Variants in CSMD1 observed in about 807,000 individuals in gnomAD.
CSMD1 encodes CUB and Sushi multiple domains 1, also known as CUB and sushi domain-containing protein 1.
A neutral mutation model predicts 417.5 loss-of-function variants in CSMD1; 213 were observed. The ratio of observed to expected loss-of-function variants is 0.51; its 90% CI spans 0.46 to 0.57. CSMD1 has a LOEUF of 0.57. Among genes scored for constraint, CSMD1 ranks in the 20% least tolerant of loss-of-function variants. The probability of loss-of-function intolerance (pLI) is 0.00; values close to 1 mark genes in which losing one functional copy is unlikely to be tolerated. For missense variants in CSMD1, 6,923 were observed against 4,529.7 expected (o/e 1.53, Z -15.17); for synonymous variants, 2,862 against 1,736.8 (o/e 1.65, Z -16.11).
At chr8:3,998,159 C>T (rs2130342046) in intron 4 of CSMD1, 49 bp from the exon 5 acceptor site, 2 of 1,487,932 alleles carry the variant, frequency 1.3e-6, no homozygotes, top group Non-Finnish European at 1.8e-6. Flanking sequence ...GGATGGTTTT[C>T]ATACACGAGT....
At chr8:3,856,542 GT>G (rs1563149517) in intron 5 of CSMD1, among the ~76,000 whole-genome samples, 1 of 152,146 alleles carries the variant, frequency 6.6e-6, no homozygotes, top group African/African-American at 2.4e-5. Context: ...TGCAACGACT[GT>G]CCACATCATG....
intron 2 of CSMD1, among the ~76,000 whole-genome samples, chr8:4,629,051 A>G (rs1015315806): frequency 3.9e-5 from 6 of 152,184 alleles, no homozygotes; most frequent in African/African-American, 1.4e-4. Context: ...AATTTACTTA[A>G]CTAGTGAGAG....
chr8:4,779,024 G>T lies in CSMD1; in HGVS notation c.86-141466C>A, dbSNP rs115366634. The stretch of plus-strand genomic sequence containing the variant: ...AGTATAGGTATGCAATGACCAGATT[G>T]ATATATCTTAATCAACATTTCAGGA... On this transcript the variant is annotated intron_variant, in intron 1 of 69. Transcript: ENST00000635120. Among the ~76,000 whole-genome samples, 861 of 152,292 alleles carry T rather than the reference G, an allele frequency of 5.7e-3. 5 individuals carry two copies. The highest frequency in any genetic ancestry group is 0.02 in the African/African-American group (827 of 41,556).
intron 2 of CSMD1, among the ~76,000 whole-genome samples, chr8:4,525,629 G>A (rs755182564): frequency 6.6e-6 from 1 of 152,076 alleles, no homozygotes; most frequent in African/African-American, 2.4e-5. Context: ...AGTAATAGCG[G>A]TTTTTGTCAT....
At chr8:3,510,842 T>A (rs1164078576) in intron 10 of CSMD1, among the ~76,000 whole-genome samples, 1 of 151,858 alleles carries the variant, frequency 6.6e-6, no homozygotes, top group Admixed American at 6.5e-5. Context: ...CTTCCCCCAC[T>A]TTTTGATGGG....
chr8:4,372,996 C>T (rs1420729775), intron 3 of CSMD1, among the ~76,000 whole-genome samples: 1 of 152,220 alleles, frequency 6.6e-6, no homozygotes, highest in Non-Finnish European at 1.5e-5. Flanking sequence ...TCACACTGGA[C>T]AGCCCTCAGC....
intron 3 of CSMD1, among the ~76,000 whole-genome samples, chr8:4,387,570 C>CAAAAGAAAAAAAAAAAAAAA (rs1803536289): frequency 2.7e-5 from 1 of 37,208 alleles, no homozygotes; most frequent in Non-Finnish European, 5.8e-5. Context: ...TCCAAACTGG[C>CAAAAGAAAAAAAAAAAAAAA]AAAAAAAAAA....
rs375837971 is a variant in CSMD1 at position 4,226,135 on chromosome 8, T to C, written c.415+193818A>G. 1.1e-4 allele frequency among the ~76,000 whole-genome samples: 17 copies of C among 150,804 alleles called. No homozygotes were observed. The East Asian group carries it at 2.7e-3, about 24-fold the overall frequency. ...CAACACACATACACACTTGCTAGCA[T>C]GAGAGTTTCATTTTTCTGTTACTTG... On this transcript the variant is annotated intron_variant, in intron 3 of 69. Transcript: ENST00000635120.
chr8:3,839,980 G>C (rs1306400127), intron 5 of CSMD1, among the ~76,000 whole-genome samples: 1 of 152,084 alleles, frequency 6.6e-6, no homozygotes. Context: ...GTGAGATGTT[G>C]AAGGATGCAT....
intron 5 of CSMD1, among the ~76,000 whole-genome samples, chr8:3,994,025 C>A (rs141366270): frequency 6.6e-6 from 1 of 152,134 alleles, no homozygotes; most frequent in Non-Finnish European, 1.5e-5. Flanking sequence ...GGGAGGGAGC[C>A]AGGATGGGGC....
chr8:4,045,888 G>A (rs1798122939), intron 3 of CSMD1, among the ~76,000 whole-genome samples: 1 of 151,494 alleles, frequency 6.6e-6, no homozygotes, highest in Admixed American at 6.6e-5. Flanking sequence ...GAGTTTTTAT[G>A]TCTATGCTGG....
At chr8:4,622,846 T>A (rs183876217) in intron 2 of CSMD1, among the ~76,000 whole-genome samples, 1 of 152,152 alleles carries the variant, frequency 6.6e-6, no homozygotes, top group Non-Finnish European at 1.5e-5. Context: ...GATGACATGG[T>A]TGCCTCCATA....
chr8:4,191,255 G>T (rs1049442930), intron 3 of CSMD1, among the ~76,000 whole-genome samples: 1 of 151,996 alleles, frequency 6.6e-6, no homozygotes, highest in Non-Finnish European at 1.5e-5. Flanking sequence ...AATTAGCAGG[G>T]CATGGTGGCA....
Position 4,881,563 on chromosome 8 carries a change from G to A in CSMD1, c.85+112769C>T, listed in dbSNP as rs147709987. Among the ~76,000 whole-genome samples, 1,148 of 141,254 alleles carry A rather than the reference G, an allele frequency of 8.1e-3. 25 individuals carry two copies. Among genetic ancestry groups the A allele is most frequent in the African/African-American group, 0.029 (1,094 of 37,564 alleles). The allele number at this position is 141,254 out of a possible 152,430, so 92.7% of individuals were successfully genotyped here. A position where few individuals can be genotyped will look rare whatever the true frequency, so the allele number is the denominator to read the frequency against. Reference sequence around the variant, plus strand: ...TTTTTTTTTTTTTTATCTCATTTACGCCTCAATATATTTTACAAGCTCAAA... The same window carrying A: ...TTTTTTTTTTTTTTATCTCATTTACACCTCAATATATTTTACAAGCTCAAA... On this transcript the variant is annotated intron_variant, in intron 1 of 69. Coordinates refer to ENST00000635120, the MANE Select transcript of CSMD1 (RefSeq NM_033225.6).
chr8:3,534,950 CTTAT>C (rs1010397952), intron 10 of CSMD1, among the ~76,000 whole-genome samples: 3 of 152,000 alleles, frequency 2.0e-5, no homozygotes, highest in Non-Finnish European at 4.4e-5. Flanking sequence ...CATGTATTTA[CTTAT>C]TTATTTATTT....
intron 1 of CSMD1, among the ~76,000 whole-genome samples, chr8:4,931,198 T>C (rs1006951669): frequency 6.6e-6 from 1 of 152,236 alleles, no homozygotes; most frequent in African/African-American, 2.4e-5. Context: ...TCCTAAAAGA[T>C]TGAAATATAA....
intron 51 of CSMD1, among the ~76,000 whole-genome samples, chr8:3,019,514 G>GT (rs1029898231): frequency 1.3e-5 from 2 of 152,128 alleles, no homozygotes; most frequent in African/African-American, 4.8e-5. Flanking sequence ...CAGTTTATTT[G>GT]TTTTTTTAGT....
chr8:3,478,758 C>A (rs550327429), intron 11 of CSMD1, among the ~76,000 whole-genome samples: 155 of 152,248 alleles, frequency 1.0e-3, no homozygotes, highest in Non-Finnish European at 1.8e-3. Flanking sequence ...CAACAAACAT[C>A]CAAGGAAGTC....
chr8:3,430,312 A>G (rs1814135298), intron 12 of CSMD1, among the ~76,000 whole-genome samples: 1 of 152,182 alleles, frequency 6.6e-6, no homozygotes, highest in African/African-American at 2.4e-5. Flanking sequence ...CTATGTGCTG[A>G]GAAATGTAGA....
Sources: gnomAD v4.1 joint callset for allele counts (sites outside exome capture counted in the v4.1 genomes callset) on GRCh38, gnomAD v4.1.1 for gene constraint, MANE v1.5 for transcripts, NCBI Gene and HGNC (gene_info 2026-07-23, HGNC 2026-07-21) for gene names.